PHIP: variants seen among roughly 807,000 people sequenced by gnomAD.
PHIP encodes PHIP subunit of CUL4-Ring ligase complex, also known as PH-interacting protein.
In PHIP, 54 loss-of-function variants were observed where a neutral mutation model predicts 236.8. The ratio of observed to expected loss-of-function variants is 0.23; its 90% CI spans 0.18 to 0.29. The LOEUF (loss-of-function observed/expected upper bound fraction) is 0.29. Ranked by LOEUF, PHIP falls within the 10% of genes least tolerant of loss-of-function variation. The pLI is 1.00. For missense variants in PHIP, 1,370 were observed against 2,190.8 expected (o/e 0.63, Z 7.48); for synonymous variants, 756 against 718.9 (o/e 1.05, Z -0.83).
intron 4 of PHIP, among the ~76,000 whole-genome samples, chr6:79,068,938 C>T (rs1043285510): frequency 6.6e-6 from 1 of 152,004 alleles, no homozygotes; most frequent in African/African-American, 2.4e-5. Flanking sequence ...TAGGCTTTCA[C>T]TTCATCCTTA....
At chr6:79,025,287 G>T (rs1262400985) in intron 9 of PHIP, among the ~76,000 whole-genome samples, 4 of 127,730 alleles carry the variant, frequency 3.1e-5, no homozygotes, top group Admixed American at 8.6e-5. Flanking sequence ...GAAGGAAAGA[G>T]CTAGGATTAG....
Position 78,992,482 on chromosome 6 carries a change from A to AT in PHIP, c.2202-1498dup, listed in dbSNP as rs549747639. On this transcript the variant is annotated intron_variant, in intron 19 of 39. Transcript: ENST00000275034. ...TTTTACTGTGCTTTGCAGATAGTGC[A>AT]TTTTTTTTTTTCACAAGCTGCAAGT... Among the ~76,000 whole-genome samples the AT allele has an allele frequency of 9.2e-3, 1,292 of 140,812 alleles. 25 individuals carry two copies. Among genetic ancestry groups the AT allele is most frequent in the African/African-American group, 0.031 (1,180 of 38,468 alleles). The allele number at this position is 140,812 out of a possible 152,430, so 92.4% of individuals were successfully genotyped here.
At chr6:79,026,282 A>G (rs943754346) in intron 7 of PHIP, 118 bp from the exon 8 acceptor site, 22 of 750,668 alleles carry the variant, frequency 2.9e-5, no homozygotes, top group Non-Finnish European at 4.4e-5. Context: ...TAAATACCAA[A>G]AAGTGTTAAA....
Position 78,940,605 on chromosome 6 carries a change from CAGCAGCAAGGA to C in PHIP, c.*77_*87del, listed in dbSNP as rs1221848804. 3 of 339,576 alleles carry C rather than the reference CAGCAGCAAGGA, an allele frequency of 8.8e-6. No homozygotes were observed. The highest frequency in any genetic ancestry group is 1.6e-5 in the Non-Finnish European group (3 of 190,932). 21.0% of individuals were successfully genotyped at this position (339,576 alleles called of 1,614,324 possible). On this transcript the variant is annotated 3_prime_UTR_variant, in exon 40 of 40. Coordinates refer to ENST00000275034, the MANE Select transcript of PHIP (RefSeq NM_017934.7). ...AATCATAACATTCCCTACTCCACCACAGCAGCAAGGAAGCAGAAGCCTTAGTTCTACTTATT... is the reference window on the plus strand; with the variant it reads ...AATCATAACATTCCCTACTCCACCACAGCAGAAGCCTTAGTTCTACTTATT...
intron 9 of PHIP, among the ~76,000 whole-genome samples, chr6:79,023,651 T>C (rs1297914224): frequency 2.0e-5 from 3 of 151,946 alleles, no homozygotes; most frequent in Non-Finnish European, 2.9e-5. Context: ...ATTATATCTA[T>C]ATAAAAACAT....
At chr6:79,034,566 CA>C (rs1246442923) in intron 7 of PHIP, among the ~76,000 whole-genome samples, 1 of 152,160 alleles carries the variant, frequency 6.6e-6, no homozygotes, top group Non-Finnish European at 1.5e-5. Flanking sequence ...GGTTAAGCTT[CA>C]AAAGGCCTAA....
At chr6:78,945,615 C>A in intron 38 of PHIP, 118 bp from the exon 39 acceptor site, 1 of 685,174 alleles carries the variant, frequency 1.5e-6, no homozygotes, top group Non-Finnish European at 2.5e-6. Flanking sequence ...ATGCTTAAAG[C>A]TTTCTTAGGA....
chr6:78,981,561 A>C (rs1332540672), intron 23 of PHIP, among the ~76,000 whole-genome samples: 1 of 152,042 alleles, frequency 6.6e-6, no homozygotes, highest in Non-Finnish European at 1.5e-5. Flanking sequence ...GTGCCAGTGC[A>C]TGAAGGAGCC....
chr6:78,975,599 T>C (rs1767994768), intron 24 of PHIP, among the ~76,000 whole-genome samples: 1 of 152,160 alleles, frequency 6.6e-6, no homozygotes, highest in South Asian at 2.1e-4. Context: ...TGTTTGCAGA[T>C]GACATGATTG....
At chr6:79,016,827 G>C (rs917236604) in intron 12 of PHIP, among the ~76,000 whole-genome samples, 185 bp from the exon 13 acceptor site, 1 of 151,746 alleles carries the variant, frequency 6.6e-6, no homozygotes, top group African/African-American at 2.4e-5. Flanking sequence ...TCATGGCTAG[G>C]TCACAAAATA....
chr6:79,077,756 A>G, intron 2 of PHIP, 27 bp from the exon 3 acceptor site: 1 of 982,132 alleles, frequency 1.0e-6, no homozygotes, highest in Non-Finnish European at 1.2e-6. Flanking sequence ...GGGAGAGCTG[A>G]GCCCCGCGCC....
chr6:78,935,901 A>T lies in PHIP; in HGVS notation c.*4792T>A. On this transcript the variant is annotated 3_prime_UTR_variant, in exon 40 of 40. Transcript: ENST00000275034. ...AAAACAAGTTTTCTATTTATTTAAA[A>T]ATAAGTTTGTAGTTACTACATTGCA... The T allele has an allele frequency of 4.1e-6, 1 of 243,358 alleles. No individual in the cohort carries two copies. Among genetic ancestry groups the T allele is most frequent in the Non-Finnish European group, 6.6e-6 (1 of 151,472 alleles). 15.1% of individuals were successfully genotyped at this position (243,358 alleles called of 1,614,324 possible).
chr6:79,018,724 A>G (rs1770962990), intron 10 of PHIP, among the ~76,000 whole-genome samples: 1 of 151,940 alleles, frequency 6.6e-6, no homozygotes, highest in South Asian at 2.1e-4. Flanking sequence ...TTACTTAACT[A>G]TAGAATACCT....
rs202187736 is a variant in PHIP, at chr6:78,947,733, C to T, written c.4096G>A (p.Val1366Ile). Residue 1366 changes from valine to isoleucine, a missense_variant, in exon 36 of 40, where the codon GTT (valine) becomes ATT (isoleucine). Val to Ile is a conservative substitution (Grantham distance 29). Around this residue, in one of 14 missense-constraint regions of PHIP, gnomAD observed 125 missense variants for 235.1 expected, o/e 0.53. Transcript: ENST00000275034. ...TTCCCAGCCTCTAAAGTTTCTCTAA[C>T]GGTAGCAAAATCCATTGGAGTGTCA... ...IIDTPMDFAT[V>I]RETLEAGNYE... The T allele has an allele frequency of 3.2e-5, 52 of 1,606,400 alleles. No homozygotes were observed. The highest frequency in any genetic ancestry group is 3.3e-4 in the Middle Eastern group (2 of 6,066).
chr6:79,020,392 A>C (rs925632203), intron 9 of PHIP, among the ~76,000 whole-genome samples: 23 of 152,176 alleles, frequency 1.5e-4, no homozygotes, highest in African/African-American at 5.5e-4. Flanking sequence ...AGCAGAACAA[A>C]TCTCATTTAG....
At position 78,934,546 on chromosome 6, in the gene PHIP, C is replaced by T. The variant is rs780637091; in HGVS notation, c.*6147G>A. ...TCTGCTAAGGGTTCAGAAAACCTCA[C>T]ACTTAACAACAATCAGGTCATGGCC... On this transcript the variant is annotated 3_prime_UTR_variant, in exon 40 of 40. Transcript: ENST00000275034. 4.5e-4 allele frequency among the ~76,000 whole-genome samples: 69 copies of T among 152,166 alleles called. No homozygotes were observed. The highest frequency in any genetic ancestry group is 8.7e-4 in the Non-Finnish European group (59 of 68,020).
At chr6:78,947,484 TTC>T in intron 36 of PHIP, 137 bp downstream of exon 36, 1 of 539,576 alleles carries the variant, frequency 1.9e-6, no homozygotes, top group Non-Finnish European at 3.3e-6. Flanking sequence ...AAGGTATAAT[TTC>T]TTTTTCCAGT....
Position 78,998,278 on chromosome 6 carries a change from T to C in PHIP, c.1993A>G (p.Ser665Gly). The stretch of plus-strand genomic sequence containing the variant: ...CCTCTACTTAAACGGCTGGTATTAC[T>C]GATAACTGCTTCACCAGAACGTCTC... ...DLRRSGEAVISNTSRLSRGSI... is the reference protein window; with the variant it reads ...DLRRSGEAVIGNTSRLSRGSI... Residue 665 changes from serine to glycine, a missense_variant, in exon 18 of 40, where the codon AGT (serine) becomes GGT (glycine). This residue lies in a region of PHIP where 133 missense variants were observed against 245.2 expected (regional missense o/e 0.54). Coordinates refer to ENST00000275034, the MANE Select transcript of PHIP (RefSeq NM_017934.7). 1 of 1,611,224 alleles carries C rather than the reference T, an allele frequency of 6.2e-7. No homozygotes were observed.
intron 9 of PHIP, among the ~76,000 whole-genome samples, chr6:79,025,244 T>C (rs927393176): frequency 1.5e-4 from 23 of 151,442 alleles, no homozygotes; most frequent in African/African-American, 4.4e-4. Flanking sequence ...ATGCAGCACA[T>C]AGAAAGGAGT....
Sources: allele counts gnomAD v4.1 joint callset (sites outside exome capture counted in the v4.1 genomes callset), GRCh38; gene constraint gnomAD v4.1.1; regional missense constraint gnomAD v4.1.1; transcripts MANE v1.5; gene names NCBI Gene and HGNC (gene_info 2026-07-23, HGNC 2026-07-21).